HMGB1: variants seen among roughly 807,000 people sequenced by gnomAD.
The protein encoded by HMGB1 is high mobility group protein B1.
For missense variants in HMGB1, 79 were observed against 253.5 expected (o/e 0.31, Z 4.67); for synonymous variants, 81 against 84.0 (o/e 0.96, Z 0.19).
Position 30,463,588 on chromosome 13 carries a change from G to C in HMGB1, c.93C>G (p.His31Gln), listed in dbSNP as rs780978991. The C allele has an allele frequency of 6.2e-7, 1 of 1,607,946 alleles. No individual in the cohort carries two copies. The highest frequency in any genetic ancestry group is 8.5e-7 in the Non-Finnish European group (1 of 1,176,836). Reference protein sequence around the residue: ...QTCREEHKKKHPDASVNFSEF... With the variant: ...QTCREEHKKKQPDASVNFSEF... ...CTGAGAAGTTGACTGAAGCATCTGG[G>C]TGCTTCTTCTTATGCTCCTCCCGAC... Residue 31 changes from histidine (H) to glutamine (Q), a missense_variant, in exon 2 of 5, where the codon CAC (histidine) becomes CAG (glutamine). Coordinates refer to ENST00000341423, the MANE Select transcript of HMGB1 (RefSeq NM_002128.7).
At chr13:30,615,301 T>C (rs911479560) in intron 1 of HMGB1, among the ~76,000 whole-genome samples, 6 of 152,200 alleles carry the variant, frequency 3.9e-5, no homozygotes, top group Non-Finnish European at 5.9e-5. Flanking sequence ...GCCAAAAATA[T>C]GAATACAGGT....
At chr13:30,535,409 C>T (rs182530500) in intron 1 of HMGB1, among the ~76,000 whole-genome samples, 2 of 152,292 alleles carry the variant, frequency 1.3e-5, no homozygotes, top group East Asian at 3.9e-4. Context: ...TGTATTGCTA[C>T]TTTCTCTAAG....
intron 1 of HMGB1, among the ~76,000 whole-genome samples, chr13:30,600,228 C>G (rs912685784): frequency 6.6e-6 from 1 of 152,180 alleles, no homozygotes; most frequent in Admixed American, 6.5e-5. Flanking sequence ...GCAGAGCAAT[C>G]TATTAAGTGA....
chr13:30,503,925 C>G (rs1227241822), intron 1 of HMGB1, among the ~76,000 whole-genome samples: 2 of 151,972 alleles, frequency 1.3e-5, no homozygotes, highest in African/African-American at 4.8e-5. Context: ...ATAGCAAGAC[C>G]CTGCCTCCAA....
Position 30,491,002 on chromosome 13 carries a change from A to G in HMGB1, c.-14-27308T>C, listed in dbSNP as rs140807836. On this transcript the variant is annotated intron_variant, in intron 1 of 4. Transcript: ENST00000405805. ...CATATATGTTCAATTCATTTTCAAC[A>G]AAGTTGGTAAGACATTCAGCACAAA... Among the ~76,000 whole-genome samples, 13 of 152,264 alleles carry G rather than the reference A, an allele frequency of 8.5e-5. No individual in the cohort carries two copies. The East Asian group carries it at 2.5e-3, about 29-fold the overall frequency.
At chr13:30,597,933 T>C (rs1246682936) in intron 1 of HMGB1, among the ~76,000 whole-genome samples, 1 of 152,178 alleles carries the variant, frequency 6.6e-6, no homozygotes, top group Non-Finnish European at 1.5e-5. Flanking sequence ...CTTTTTCAAA[T>C]CATTTTCTCT....
intron 1 of HMGB1, among the ~76,000 whole-genome samples, chr13:30,538,651 C>CTT (rs1566019109): frequency 2.3e-5 from 1 of 43,476 alleles, no homozygotes; most frequent in African/African-American, 2.0e-4. Flanking sequence ...TCCTTTCTTT[C>CTT]TTTCTTTCTT....
Position 30,538,970 on chromosome 13 carries a change from C to T in HMGB1, c.-14-75276G>A, listed in dbSNP as rs867626087. On this transcript the variant is annotated intron_variant, in intron 1 of 4. Transcript: ENST00000405805. ...GGAGTGCAACGGCACGATCTCGGCT[C>T]ACTGCAACCTCCACCTCCCGGGTTC... Among the ~76,000 whole-genome samples, 107 of 152,188 alleles carry T rather than the reference C, an allele frequency of 7.0e-4. 1 individual carries two copies. The highest frequency in any genetic ancestry group is 2.5e-3 in the African/African-American group (103 of 41,470).
chr13:30,532,178 G>C (rs1888510354), intron 1 of HMGB1, among the ~76,000 whole-genome samples: 1 of 150,944 alleles, frequency 6.6e-6, no homozygotes, highest in African/African-American at 2.4e-5. Flanking sequence ...TCTACTAAAA[G>C]TACAAAAATT....
At chr13:30,489,483 A>C (rs2137439237) in intron 1 of HMGB1, among the ~76,000 whole-genome samples, 1 of 152,342 alleles carries the variant, frequency 6.6e-6, no homozygotes, top group African/African-American at 2.4e-5. Flanking sequence ...GTGTAAGTGG[A>C]AAAGGATTTG....
At chr13:30,596,773 T>G (rs7987948) in intron 1 of HMGB1, among the ~76,000 whole-genome samples, 79,383 of 152,086 alleles carry the variant, frequency 0.52, 23,158 homozygotes, top group African/African-American at 0.79. Context: ...ATGTGCTCAT[T>G]TCTGTAATAG....
chr13:30,532,894 A>G (rs1371343780), intron 1 of HMGB1, among the ~76,000 whole-genome samples: 1 of 152,152 alleles, frequency 6.6e-6, no homozygotes, highest in African/African-American at 2.4e-5. Flanking sequence ...ACTTCCACAG[A>G]TGAGCTCCTA....
intron 4 of HMGB1, 48 bp downstream of exon 4, chr13:30,462,490 A>C: frequency 7.0e-7 from 1 of 1,426,894 alleles, no homozygotes; most frequent in Non-Finnish European, 9.9e-7. Context: ...ACAATCATAC[A>C]TCTGGCGTAC....
At chr13:30,463,098 A>T (rs1886461659) in intron 3 of HMGB1, 109 bp downstream of exon 3, 1 of 1,106,346 alleles carries the variant, frequency 9.0e-7, no homozygotes, top group South Asian at 1.4e-5. Flanking sequence ...ATTAGCTAAG[A>T]AACTTTGATT....
chr13:30,578,048 G>A (rs1400842678), intron 1 of HMGB1, among the ~76,000 whole-genome samples: 2 of 151,972 alleles, frequency 1.3e-5, no homozygotes, highest in African/African-American at 4.8e-5. Context: ...ATGGAGGTAA[G>A]CAGCAAGAGA....
At chr13:30,474,862 T>G (rs1456530484) in intron 1 of HMGB1, among the ~76,000 whole-genome samples, 8 of 150,370 alleles carry the variant, frequency 5.3e-5, no homozygotes, top group Non-Finnish European at 1.2e-4. Context: ...TTGTTTTTTT[T>G]TTTTTGAGAC....
Position 30,457,081 on chromosome 13 carries a change from A to G in HMGB1, c.*4276T>C, listed in dbSNP as rs1318081526. 6.6e-6 allele frequency: 1 copy of G among 152,222 alleles called. No individual in the cohort carries two copies. Among genetic ancestry groups the G allele is most frequent in the Non-Finnish European group, 1.5e-5 (1 of 68,040 alleles). 9.4% of individuals were successfully genotyped at this position (152,222 alleles called of 1,614,324 possible). A position where few individuals can be genotyped will look rare whatever the true frequency, so the allele number is the denominator to read the frequency against. ...TATGTGACTAAAGAGAACAATGAAT[A>G]TGAGTACATAATTTACAAGGATCTC... is the stretch of plus-strand genomic sequence containing the variant. On this transcript the variant is annotated 3_prime_UTR_variant, in exon 5 of 5. Transcript: ENST00000341423.
intron 1 of HMGB1, among the ~76,000 whole-genome samples, chr13:30,573,834 T>G (rs1566029302): frequency 1.3e-5 from 2 of 152,102 alleles, no homozygotes; most frequent in Non-Finnish European, 2.9e-5. Context: ...TGGTATTTTT[T>G]GCAGAGACGA....
At chr13:30,490,119 C>T (rs1449436811) in intron 1 of HMGB1, among the ~76,000 whole-genome samples, 2 of 151,158 alleles carry the variant, frequency 1.3e-5, no homozygotes, top group Admixed American at 6.6e-5. Flanking sequence ...TAGCTATCTT[C>T]CAGGCATTTT....
Sources: gnomAD v4.1 joint callset for allele counts (sites outside exome capture counted in the v4.1 genomes callset) on GRCh38, gnomAD v4.1.1 for gene constraint, MANE v1.5 for transcripts, NCBI Gene and HGNC (gene_info 2026-07-23, HGNC 2026-07-21) for gene names.